The following FBLN1 variants were observed in gnomAD, a reference collection of about 807,000 sequenced individuals.
FBLN1 encodes fibulin 1.
Under a neutral mutation model 89.7 loss-of-function variants are expected in FBLN1, and 34 were observed. The observed-to-expected ratio is 0.38, with a 90% CI of 0.29 to 0.50. The LOEUF is 0.50. Ranked by LOEUF, FBLN1 falls within the 20% of genes least tolerant of loss-of-function variation. The pLI, the probability that FBLN1 is intolerant of heterozygous loss-of-function variation, is 0.92. For missense variants in FBLN1, 777 were observed against 988.1 expected (o/e 0.79, Z 2.86); for synonymous variants, 393 against 391.3 (o/e 1.00, Z -0.05).
At position 45,550,420 on chromosome 22, in the gene FBLN1, C is replaced by A; in HGVS notation, c.1574-72C>A. On this transcript the variant is annotated intron_variant, in intron 13 of 16. Coordinates refer to ENST00000327858, the MANE Select transcript of FBLN1 (RefSeq NM_006486.3). The surrounding 1 kb of genome is among the most constrained non-coding windows in gnomAD (Gnocchi z 8.4). Reference sequence around the variant, plus strand: ...AACCCTAGTTGATGGGAGGCCTGGGCTCCTCCGTCTCCAGATGGGTATGGC... The same window carrying A: ...AACCCTAGTTGATGGGAGGCCTGGGATCCTCCGTCTCCAGATGGGTATGGC... 1.2e-6 allele frequency: 2 copies of A among 1,609,514 alleles called. No homozygotes were observed. Among genetic ancestry groups the A allele is most frequent in the Non-Finnish European group, 1.7e-6 (2 of 1,177,684 alleles).
At chr22:45,546,519 G>C (rs2088630800) in intron 11 of FBLN1, among the ~76,000 whole-genome samples, 1 of 152,224 alleles carries the variant, frequency 6.6e-6, no homozygotes, top group African/African-American at 2.4e-5. Context: ...TTGCCGGGCT[G>C]TGTTCTAATA....
At chr22:45,564,826 C>A in intron 14 of FBLN1, 1 of 1,605,796 alleles carries the variant, frequency 6.2e-7, no homozygotes, top group Non-Finnish European at 8.5e-7. Flanking sequence ...CTCTGCCAGC[C>A]CTGGCTTATG....
chr22:45,574,107 C>T lies in FBLN1; in HGVS notation c.1698-404C>T, dbSNP rs1602219492. ...AGCCTCACTGTGGGCTCTGAGAAGG[C>T]GGGACCATGTGTCCCTTGTTCACTT... On this transcript the variant is annotated intron_variant, in intron 14 of 16. Coordinates refer to ENST00000327858, the MANE Select transcript of FBLN1 (RefSeq NM_006486.3). The surrounding 1 kb of genome is among the most constrained non-coding windows in gnomAD (Gnocchi z 4.1). Among the ~76,000 whole-genome samples, 3 of 152,194 alleles carry T rather than the reference C, an allele frequency of 2.0e-5. No individual in the cohort carries two copies. Among genetic ancestry groups the T allele is most frequent in the Admixed American group, 6.5e-5 (1 of 15,282 alleles).
intron 1 of FBLN1, among the ~76,000 whole-genome samples, chr22:45,505,479 C>T (rs896232352): frequency 1.5e-4 from 23 of 152,336 alleles, no homozygotes; most frequent in African/African-American, 4.3e-4. Flanking sequence ...CTCTGGCTCA[C>T]GCCCCGCTCC....
intron 14 of FBLN1, among the ~76,000 whole-genome samples, chr22:45,554,362 C>A (rs946178186): frequency 2.0e-5 from 3 of 152,236 alleles, no homozygotes; most frequent in Non-Finnish European, 4.4e-5. Context: ...CCCGTTTGGC[C>A]TGGACCTGGG....
In FBLN1 at chr22:45,579,834, A is replaced by G. The variant is rs967014868; in HGVS notation, c.1972+2726A>G. 3.9e-5 allele frequency among the ~76,000 whole-genome samples: 6 copies of G among 152,060 alleles called. No homozygotes were observed. Among genetic ancestry groups the G allele is most frequent in the Non-Finnish European group, 7.4e-5 (5 of 67,996 alleles). The stretch of plus-strand genomic sequence containing the variant: ...CTTCCTTCTCCCTCCTCTTCTGCCC[A>G]GAATAACTTCCATACATCCTGGGAG... On this transcript the variant is annotated intron_variant, in intron 16 of 16. Transcript: ENST00000327858. This position sits in a 1 kb window ranked among gnomAD's most constrained non-coding sequence, Gnocchi z 5.5.
At position 45,502,962 on chromosome 22, in the gene FBLN1, C is replaced by G. The variant is rs2087964728; in HGVS notation, c.-24C>G. 1 of 1,097,364 alleles carries G rather than the reference C, an allele frequency of 9.1e-7. No individual in the cohort carries two copies. 68.0% of individuals were successfully genotyped at this position (1,097,364 alleles called of 1,614,324 possible). ...GCGCCCGCGCCTTTGTCCGCCGCCGCCCACCGCCCGTCGCCCGCCGCCCAT... is the reference window on the plus strand; with the variant it reads ...GCGCCCGCGCCTTTGTCCGCCGCCGGCCACCGCCCGTCGCCCGCCGCCCAT... On this transcript the variant is annotated 5_prime_UTR_variant, in exon 1 of 17. Coordinates refer to ENST00000327858, the MANE Select transcript of FBLN1 (RefSeq NM_006486.3).
At chr22:45,524,717 G>A (rs542307894) in intron 2 of FBLN1, among the ~76,000 whole-genome samples, 38 of 152,296 alleles carry the variant, frequency 2.5e-4, no homozygotes, top group Admixed American at 2.2e-3. Context: ...GAGGAGTGAC[G>A]CGGCCACTCT....
At chr22:45,533,716 G>T in intron 6 of FBLN1, 45 bp from the exon 7 acceptor site, 7 of 1,548,984 alleles carry the variant, frequency 4.5e-6, no homozygotes, top group Non-Finnish European at 6.0e-6. Context: ...TATTAGGATG[G>T]GTCGTTCTTG....
intron 2 of FBLN1, chr22:45,523,019 G>C: frequency 1.6e-6 from 1 of 616,994 alleles, no homozygotes; most frequent in Non-Finnish European, 3.0e-6. Flanking sequence ...TGGTTTGTAG[G>C]AAGGCAGGAT....
Position 45,557,978 on chromosome 22 carries a change from C to A in FBLN1, c.1697+7363C>A. 2.8e-6 allele frequency: 2 copies of A among 703,314 alleles called. No homozygotes were observed. The highest frequency in any genetic ancestry group is 2.0e-5 in the Admixed American group (1 of 49,560). The allele number at this position is 703,314 out of a possible 1,614,324, so 43.6% of individuals were successfully genotyped here. The stretch of plus-strand genomic sequence containing the variant: ...CCTTCAGGGATGTCCTAGAAAGGGG[C>A]AGTAGTGCTGCAGCTGTCCACTTTC... On this transcript the variant is annotated intron_variant, in intron 14 of 16. Transcript: ENST00000327858. The surrounding 1 kb of genome is among the most constrained non-coding windows in gnomAD (Gnocchi z 4.9).
intron 16 of FBLN1, among the ~76,000 whole-genome samples, chr22:45,595,775 A>G: frequency 6.6e-6 from 1 of 152,292 alleles, no homozygotes; most frequent in Non-Finnish European, 1.5e-5. Flanking sequence ...ATGCTTTTTG[A>G]TAGCCAGTGG....
At chr22:45,515,174 G>C (rs1289129002) in intron 1 of FBLN1, among the ~76,000 whole-genome samples, 1 of 152,212 alleles carries the variant, frequency 6.6e-6, no homozygotes, top group Non-Finnish European at 1.5e-5. Flanking sequence ...TGATTGGTGA[G>C]TGTTACAGTG....
chr22:45,511,895 G>C (rs561721537), intron 1 of FBLN1, among the ~76,000 whole-genome samples: 1 of 152,320 alleles, frequency 6.6e-6, no homozygotes, highest in South Asian at 2.1e-4. Flanking sequence ...TTTTGCAAGA[G>C]TTTGCTCTTG....
chr22:45,547,193 T>C lies in FBLN1; in HGVS notation c.1430T>C (p.Val477Ala). The C allele has an allele frequency of 6.2e-7, 1 of 1,613,712 alleles. No homozygotes were observed. The highest frequency in any genetic ancestry group is 8.5e-7 in the Non-Finnish European group (1 of 1,179,950). Residue 477 changes from valine to alanine, a missense_variant, in exon 12 of 17, where the codon GTC (valine) becomes GCC (alanine). Physicochemically the swap from Val to Ala is moderately conservative, Grantham distance 64. Transcript: ENST00000327858. ...RGYQLSDVDG[V>A]TCEDIDECAL... is the part of the protein sequence containing the mutation. The stretch of plus-strand genomic sequence containing the variant: ...TACCAGCTCAGCGATGTGGATGGAG[T>C]CACCTGTGAAGGTGCGGACGCCCCT...
intron 14 of FBLN1, among the ~76,000 whole-genome samples, chr22:45,571,993 G>A (rs2088956847): frequency 6.6e-6 from 1 of 152,146 alleles, no homozygotes; most frequent in South Asian, 2.1e-4. Flanking sequence ...GCTGGTCGTG[G>A]TGGTGCCCGC....
chr22:45,561,188 C>T lies in FBLN1; in HGVS notation c.1697+10573C>T, dbSNP rs1346956031. On this transcript the variant is annotated intron_variant, in intron 14 of 16. Coordinates refer to ENST00000327858, the MANE Select transcript of FBLN1 (RefSeq NM_006486.3). This position sits in a 1 kb window ranked among gnomAD's most constrained non-coding sequence, Gnocchi z 4.7. ...CTGGCGAGGCTGTGCATGCATCTTT[C>T]ATTGCAGGTCAGCCACTCGCATGAT... Among the ~76,000 whole-genome samples, 1 of 152,200 alleles carries T rather than the reference C, an allele frequency of 6.6e-6. No homozygotes were observed. The highest frequency in any genetic ancestry group is 2.4e-5 in the African/African-American group (1 of 41,442).
At chr22:45,567,595 G>A (rs8142402) in intron 14 of FBLN1, among the ~76,000 whole-genome samples, 2,321 of 152,232 alleles carry the variant, frequency 0.015, 67 homozygotes, top group African/African-American at 0.054. Context: ...CAGCCTGGGC[G>A]ATAGAGTGAG....
chr22:45,552,694 C>G (rs1410421053), intron 14 of FBLN1, among the ~76,000 whole-genome samples: 1 of 152,202 alleles, frequency 6.6e-6, no homozygotes, highest in African/African-American at 2.4e-5. Context: ...GCCTTTCTCT[C>G]TCTCTCCACT....
Sources: allele counts gnomAD v4.1 joint callset (sites outside exome capture counted in the v4.1 genomes callset), GRCh38; gene constraint gnomAD v4.1.1; non-coding constraint Gnocchi (gnomAD v3.1); transcripts MANE v1.5; gene names NCBI Gene and HGNC (gene_info 2026-07-23, HGNC 2026-07-21).